Variants in ACBD6 observed in about 807,000 individuals in gnomAD.
The protein encoded by ACBD6 is acyl-CoA binding domain containing 6.
In ACBD6, 28 loss-of-function variants were observed where a neutral mutation model predicts 37.2. The observed-to-expected ratio is 0.75, with a 90% CI of 0.56 to 1.03. The LOEUF is 1.03. Among genes scored for constraint, ACBD6 ranks in the 50% least tolerant of loss-of-function variants. The pLI is 0.00. For missense variants in ACBD6, 340 were observed against 337.4 expected, an observed-to-expected ratio of 1.01 and a Z score of -0.06; for synonymous variants, 113 against 126.8, an observed-to-expected ratio of 0.89 and a Z score of 0.73.
At chr1:180,341,067 C>T (rs1371805792) in intron 6 of ACBD6, among the ~76,000 whole-genome samples, 2 of 152,030 alleles carry the variant, frequency 1.3e-5, no homozygotes, top group Non-Finnish European at 2.9e-5. Flanking sequence ...TATTTAGCTG[C>T]TTGGGTGGAG....
chr1:180,347,598 C>A (rs1652236884), intron 6 of ACBD6, among the ~76,000 whole-genome samples: 1 of 152,064 alleles, frequency 6.6e-6, no homozygotes, highest in Non-Finnish European at 1.5e-5. Flanking sequence ...AAACTTAAAA[C>A]GGCTACCTTA....
chr1:180,407,685 G>T (rs1286489670), intron 5 of ACBD6, among the ~76,000 whole-genome samples: 1 of 152,144 alleles, frequency 6.6e-6, no homozygotes, highest in Non-Finnish European at 1.5e-5. Context: ...CTACTTAGCA[G>T]TTATATGGAT....
At chr1:180,415,018 A>T (rs1648018461) in intron 4 of ACBD6, among the ~76,000 whole-genome samples, 1 of 152,086 alleles carries the variant, frequency 6.6e-6, no homozygotes, top group African/African-American at 2.4e-5. Context: ...CAGAGCTTGC[A>T]GTGAGCCGAG....
intron 3 of ACBD6, among the ~76,000 whole-genome samples, chr1:180,446,172 T>TC (rs1649467632): frequency 6.6e-6 from 1 of 151,008 alleles, no homozygotes; most frequent in African/African-American, 2.4e-5. Flanking sequence ...CGGGATAATT[T>TC]TTTTTTTTTT....
intron 3 of ACBD6, among the ~76,000 whole-genome samples, chr1:180,449,705 T>G (rs148731563): frequency 6.6e-6 from 1 of 151,780 alleles, no homozygotes; most frequent in Admixed American, 6.6e-5. Context: ...TAGGTGGGAA[T>G]TGAACAATGA....
At chr1:180,389,140 G>A (rs1374294787) in intron 6 of ACBD6, among the ~76,000 whole-genome samples, 1 of 152,148 alleles carries the variant, frequency 6.6e-6, no homozygotes, top group East Asian at 1.9e-4. Context: ...ATCTCCTAAT[G>A]TTATCCCTTC....
intron 6 of ACBD6, among the ~76,000 whole-genome samples, chr1:180,395,991 C>CG (rs1350972725): frequency 6.6e-6 from 1 of 152,130 alleles, no homozygotes; most frequent in East Asian, 1.9e-4. Context: ...TTGACACATG[C>CG]AACCACATGG....
At chr1:180,373,138 T>C (rs975779565) in intron 6 of ACBD6, among the ~76,000 whole-genome samples, 1 of 152,204 alleles carries the variant, frequency 6.6e-6, no homozygotes, top group Admixed American at 6.5e-5. Context: ...AAGAAGTATT[T>C]TGAAATATTG....
chr1:180,364,975 C>T (rs576610562), intron 6 of ACBD6, among the ~76,000 whole-genome samples: 4 of 152,082 alleles, frequency 2.6e-5, no homozygotes, highest in South Asian at 2.1e-4. Context: ...CCTCGTGATC[C>T]GCCCACCTTG....
At chr1:180,354,471 A>T (rs1421189389) in intron 6 of ACBD6, among the ~76,000 whole-genome samples, 1 of 152,180 alleles carries the variant, frequency 6.6e-6, no homozygotes, top group Non-Finnish European at 1.5e-5. Flanking sequence ...ATTTTAAAAA[A>T]TGTTTAAAAA....
intron 3 of ACBD6, chr1:180,435,909 A>G: frequency 1.5e-6 from 2 of 1,369,244 alleles, no homozygotes; most frequent in African/African-American, 1.4e-5. Context: ...GGTGGTGGCC[A>G]CAAGCTTGGT....
chr1:180,487,951 TG>T (rs1156733890), intron 3 of ACBD6, among the ~76,000 whole-genome samples: 1 of 152,192 alleles, frequency 6.6e-6, no homozygotes, highest in Non-Finnish European at 1.5e-5. Context: ...AGGTACTCAC[TG>T]GGGGTCTTGG....
chr1:180,288,295 A>AG lies in ACBD6; in HGVS notation c.*67_*68insC. ...CAAAGACGGGTGGAAAAGAAGTATT[A>AG]TTTTTGTAGTTTTCTTTCATAATGG... is the stretch of plus-strand genomic sequence containing the variant. On this transcript the variant is annotated 3_prime_UTR_variant, in exon 8 of 8. Transcript: ENST00000367595. 1 of 1,602,960 alleles carries AG rather than the reference A, an allele frequency of 6.2e-7. No individual in the cohort carries two copies. The highest frequency in any genetic ancestry group is 1.1e-5 in the South Asian group (1 of 90,092).
chr1:180,312,542 GT>G (rs1650634552), intron 7 of ACBD6, among the ~76,000 whole-genome samples: 1 of 151,946 alleles, frequency 6.6e-6, no homozygotes, highest in Non-Finnish European at 1.5e-5. Flanking sequence ...TATTTATTTT[GT>G]TTTTCATTTT....
chr1:180,370,706 T>C (rs1244082199), intron 6 of ACBD6, among the ~76,000 whole-genome samples: 1 of 152,110 alleles, frequency 6.6e-6, no homozygotes, highest in Non-Finnish European at 1.5e-5. Flanking sequence ...AGAGGTTGCT[T>C]GTCTAAATTT....
chr1:180,302,625 A>G (rs989533114), intron 7 of ACBD6, among the ~76,000 whole-genome samples: 7 of 152,018 alleles, frequency 4.6e-5, no homozygotes. Context: ...GAGACCTAGA[A>G]AGAGACTTAG....
chr1:180,348,801 A>G (rs1468495363), intron 6 of ACBD6, among the ~76,000 whole-genome samples: 1 of 152,194 alleles, frequency 6.6e-6, no homozygotes, highest in South Asian at 2.1e-4. Flanking sequence ...GCTATATTCC[A>G]TAGCCTTCTA....
chr1:180,362,194 A>G (rs928595540), intron 6 of ACBD6, among the ~76,000 whole-genome samples: 1 of 152,252 alleles, frequency 6.6e-6, no homozygotes, highest in African/African-American at 2.4e-5. Flanking sequence ...CAAAATACTT[A>G]GTATTTTCAA....
chr1:180,502,019 C>G lies in ACBD6; in HGVS notation c.222+26G>C, dbSNP rs778300548. Reference sequence around the variant, plus strand: ...AAGAAGGCTCCGTGTCTTTCTCCCCCATCCACCCTCTCCCTGCTACTTTAC... The same window carrying G: ...AAGAAGGCTCCGTGTCTTTCTCCCCGATCCACCCTCTCCCTGCTACTTTAC... On this transcript the variant is annotated intron_variant, in intron 1 of 7. Coordinates refer to ENST00000367595, the MANE Select transcript of ACBD6 (RefSeq NM_032360.4). 1.9e-5 allele frequency: 30 copies of G among 1,609,316 alleles called. No homozygotes were observed. In the South Asian group the frequency reaches 3.2e-4, roughly 17 times the overall value.
Sources: allele counts gnomAD v4.1 joint callset (sites outside exome capture counted in the v4.1 genomes callset), GRCh38; gene constraint gnomAD v4.1.1; transcripts MANE v1.5; gene names NCBI Gene and HGNC (gene_info 2026-07-23, HGNC 2026-07-21).